Variants in TMC2 observed in about 807,000 individuals in gnomAD.
The protein encoded by TMC2 is transmembrane channel-like protein 2.
TMC2 carries 102 observed loss-of-function variants against 105.9 expected under a neutral mutation model. That is an observed-to-expected ratio of 0.96 (90% confidence interval 0.82 to 1.14). TMC2 has a LOEUF of 1.14. Among genes scored for constraint, TMC2 ranks in the 50% most tolerant of loss-of-function variants. TMC2 has a pLI of 0.00. For missense variants in TMC2, 1,093 were observed against 1,134.3 expected (o/e 0.96, Z 0.52); for synonymous variants, 402 against 422.8 (o/e 0.95, Z 0.60).
At chr20:2,590,618 C>T (rs1413988562) in intron 7 of TMC2, among the ~76,000 whole-genome samples, 1 of 151,918 alleles carries the variant, frequency 6.6e-6, no homozygotes, top group Non-Finnish European at 1.5e-5. Flanking sequence ...CATGATATAT[C>T]CCTATCCCTA....
intron 2 of TMC2, among the ~76,000 whole-genome samples, chr20:2,552,294 A>AATATC (rs1426948995): frequency 6.6e-6 from 1 of 152,200 alleles, no homozygotes; most frequent in Non-Finnish European, 1.5e-5. Context: ...TCAGTTTATC[A>AATATC]ATATCCACAG....
At position 2,558,312 on chromosome 20, in the gene TMC2, A is replaced by G; in HGVS notation, c.83-144A>G. On this transcript the variant is annotated intron_variant, in intron 2 of 19. Coordinates refer to ENST00000358864, the MANE Select transcript of TMC2 (RefSeq NM_080751.3). This position sits in a 1 kb window ranked among gnomAD's most constrained non-coding sequence, Gnocchi z 4.6. Reference sequence around the variant, plus strand: ...AAAATACTCAACATGCCAAGGTGCCATACTTTGGGGTGTCCTGTTCTGAGC... The same window carrying G: ...AAAATACTCAACATGCCAAGGTGCCGTACTTTGGGGTGTCCTGTTCTGAGC... 1.0e-5 allele frequency: 15 copies of G among 1,451,618 alleles called. No individual in the cohort carries two copies. The highest frequency in any genetic ancestry group is 1.4e-5 in the Non-Finnish European group (15 of 1,100,644). The allele number at this position is 1,451,618 out of a possible 1,614,324, so 89.9% of individuals were successfully genotyped here. A position where few individuals can be genotyped will look rare whatever the true frequency, so the allele number is the denominator to read the frequency against.
intron 11 of TMC2, among the ~76,000 whole-genome samples, chr20:2,609,330 C>T (rs1041304162): frequency 1.3e-5 from 2 of 152,180 alleles, no homozygotes; most frequent in African/African-American, 4.8e-5. Context: ...AAGACAGGGA[C>T]TTTGGGGGCC....
rs1213858992 is a variant in TMC2 at position 2,616,579 on chromosome 20, G to A, written c.1940+375G>A. 6.6e-6 allele frequency among the ~76,000 whole-genome samples: 1 copy of A among 151,464 alleles called. No homozygotes were observed. Among genetic ancestry groups the A allele is most frequent in the Non-Finnish European group, 1.5e-5 (1 of 67,894 alleles). On this transcript the variant is annotated intron_variant, in intron 15 of 19. Transcript: ENST00000358864. The surrounding 1 kb of genome is among the most constrained non-coding windows in gnomAD (Gnocchi z 4.8). ...GAAAGGAAAATAAAGAAGGAGGGAG[G>A]GAGAAAAGAAGGAAGAGAAGGTGGA...
intron 5 of TMC2, among the ~76,000 whole-genome samples, chr20:2,575,018 G>T (rs1021251840): frequency 1.3e-5 from 2 of 152,096 alleles, no homozygotes; most frequent in Non-Finnish European, 2.9e-5. Context: ...AAGCCACCAT[G>T]CCCGGACTCA....
intron 11 of TMC2, among the ~76,000 whole-genome samples, chr20:2,606,056 A>G (rs1276910290): frequency 1.3e-5 from 2 of 152,192 alleles, no homozygotes; most frequent in African/African-American, 4.8e-5. Flanking sequence ...AGAGAACTCC[A>G]TAAATAATTA....
chr20:2,536,780 C>T lies in TMC2; in HGVS notation c.34+125C>T, dbSNP rs951490170. The T allele has an allele frequency of 4.7e-5, 49 of 1,039,294 alleles. No individual in the cohort carries two copies. The African/African-American group carries it at 7.0e-4, about 15-fold the overall frequency. The allele number at this position is 1,039,294 out of a possible 1,614,324, so 64.4% of individuals were successfully genotyped here. On this transcript the variant is annotated intron_variant, in intron 1 of 19. Transcript: ENST00000358864. ...AGCTGGGTTTGAGTCCAGGGCCTGT[C>T]CCCTGTGCGCTGAGCGACCTCGGCT... is the stretch of plus-strand genomic sequence containing the variant.
At chr20:2,539,296 G>A (rs2085872887) in intron 2 of TMC2, among the ~76,000 whole-genome samples, 1 of 152,180 alleles carries the variant, frequency 6.6e-6, no homozygotes, top group South Asian at 2.1e-4. Context: ...GAAGAGGTCT[G>A]GGGAAGATTG....
intron 10 of TMC2, among the ~76,000 whole-genome samples, chr20:2,599,539 A>ATTTTTTTTTTT (rs11409325): frequency 2.3e-5 from 2 of 85,512 alleles, no homozygotes; most frequent in Non-Finnish European, 4.2e-5. Flanking sequence ...CTTTAATTAC[A>ATTTTTTTTTTT]TTTTTTTTTT....
chr20:2,632,552 T>A (rs186512011), intron 17 of TMC2, among the ~76,000 whole-genome samples: 1 of 152,056 alleles, frequency 6.6e-6, no homozygotes, highest in Non-Finnish European at 1.5e-5. Context: ...CAGGCTTTCT[T>A]TTTTCTTTGT....
Position 2,580,054 on chromosome 20 carries a change from G to C in TMC2, c.832G>C (p.Glu278Gln). ...GLIFGLVIIPEVLMGMPYGSI... is the reference protein window; with the variant it reads ...GLIFGLVIIPQVLMGMPYGSI... ...AATATTTGGTCTAGTCATAATCCCA[G>C]AGGTAAGAAAAGAACTTCCTAAATC... The change falls in exon 7 of 20, where the codon GAG becomes CAG. Residue 278 changes from glutamate to glutamine, a missense_variant and splice_region_variant. By Grantham distance (29) the Glu-to-Gln change is conservative. Transcript: ENST00000358864. The C allele has an allele frequency of 6.2e-7, 1 of 1,600,876 alleles. No homozygotes were observed. The highest frequency in any genetic ancestry group is 8.6e-7 in the Non-Finnish European group (1 of 1,168,188).
At chr20:2,563,280 A>C (rs2086040654) in intron 4 of TMC2, among the ~76,000 whole-genome samples, 1 of 152,218 alleles carries the variant, frequency 6.6e-6, no homozygotes, top group African/African-American at 2.4e-5. Context: ...GACAAGGAAA[A>C]CAGAGCTTAC....
Position 2,558,318 on chromosome 20 carries a change from T to C in TMC2, c.83-138T>C. The C allele has an allele frequency of 6.9e-7, 1 of 1,457,008 alleles. No individual in the cohort carries two copies. The highest frequency in any genetic ancestry group is 9.1e-7 in the Non-Finnish European group (1 of 1,103,802). 90.3% of individuals were successfully genotyped at this position (1,457,008 alleles called of 1,614,324 possible). On this transcript the variant is annotated intron_variant, in intron 2 of 19. Coordinates refer to ENST00000358864, the MANE Select transcript of TMC2 (RefSeq NM_080751.3). This position sits in a 1 kb window ranked among gnomAD's most constrained non-coding sequence, Gnocchi z 4.6. ...CTCAACATGCCAAGGTGCCATACTT[T>C]GGGGTGTCCTGTTCTGAGCCCCGCA...
At position 2,558,197 on chromosome 20, in the gene TMC2, C is replaced by T. The variant is rs1210152164; in HGVS notation, c.83-259C>T. ...TTTCCTTGGGTATAGGGCAGGACAC[C>T]TGTCACAGGAGGTCTTCAAGGGAGA... On this transcript the variant is annotated intron_variant, in intron 2 of 19. Coordinates refer to ENST00000358864, the MANE Select transcript of TMC2 (RefSeq NM_080751.3). The surrounding 1 kb of genome is among the most constrained non-coding windows in gnomAD (Gnocchi z 4.6). The T allele has an allele frequency of 2.5e-5, 18 of 728,078 alleles. 1 individual carries two copies. In the East Asian group the frequency reaches 5.8e-4, roughly 24 times the overall value. The allele number at this position is 728,078 out of a possible 1,614,324, so 45.1% of individuals were successfully genotyped here. A position where few individuals can be genotyped will look rare whatever the true frequency, so the allele number is the denominator to read the frequency against.
intron 9 of TMC2, among the ~76,000 whole-genome samples, chr20:2,596,118 A>C (rs886086459): frequency 1.3e-5 from 2 of 152,188 alleles, no homozygotes; most frequent in Non-Finnish European, 2.9e-5. Context: ...CCAGAGAGCC[A>C]ACATGTTAGG....
chr20:2,538,509 C>G (rs1182690351), intron 2 of TMC2, among the ~76,000 whole-genome samples: 5 of 152,138 alleles, frequency 3.3e-5, no homozygotes, highest in Non-Finnish European at 7.4e-5. Flanking sequence ...GATGCTCAGG[C>G]TGGTTCTCCA....
chr20:2,564,042 A>G (rs1173474247), intron 4 of TMC2, among the ~76,000 whole-genome samples: 1 of 152,196 alleles, frequency 6.6e-6, no homozygotes, highest in African/African-American at 2.4e-5. Flanking sequence ...TGTCAATTAA[A>G]TAATAAAATA....
intron 10 of TMC2, among the ~76,000 whole-genome samples, chr20:2,598,974 T>A (rs1332503707): frequency 1.3e-5 from 2 of 152,114 alleles, no homozygotes; most frequent in Non-Finnish European, 2.9e-5. Flanking sequence ...CTTCTGAGGG[T>A]GCATAATAAA....
chr20:2,603,051 C>G (rs767604434), intron 11 of TMC2, among the ~76,000 whole-genome samples: 1 of 152,070 alleles, frequency 6.6e-6, no homozygotes, highest in African/African-American at 2.4e-5. Flanking sequence ...TTTTGGGAAC[C>G]CTGAGACCTT....
Sources: gnomAD v4.1 joint callset for allele counts (sites outside exome capture counted in the v4.1 genomes callset) on GRCh38, gnomAD v4.1.1 for gene constraint, Gnocchi (gnomAD v3.1) non-coding constraint, MANE v1.5 for transcripts, NCBI Gene and HGNC (gene_info 2026-07-23, HGNC 2026-07-21) for gene names.